SMG6: variants seen among roughly 807,000 people sequenced by gnomAD.
The protein encoded by SMG6 is SMG6 nonsense mediated mRNA decay factor, also known as telomerase-binding protein EST1A.
A neutral mutation model predicts 142.2 loss-of-function variants in SMG6; 66 were observed. The ratio of observed to expected loss-of-function variants is 0.46; its 90% CI spans 0.38 to 0.57. SMG6 has a LOEUF of 0.57. Among genes scored for constraint, SMG6 ranks in the 20% least tolerant of loss-of-function variants. SMG6 has a pLI of 0.00. For missense variants in SMG6, 1,793 were observed against 1,832.0 expected, an observed-to-expected ratio of 0.98 and a Z score of 0.39; for synonymous variants, 779 against 702.4, an observed-to-expected ratio of 1.11 and a Z score of -1.72.
intron 8 of SMG6, chr17:2,280,453 C>T (rs1244884658): frequency 1.2e-5 from 3 of 255,396 alleles, no homozygotes; most frequent in African/African-American, 6.9e-5. Context: ...TTAGTAGAGA[C>T]AGGGTTTCAC....
At chr17:2,218,134 C>T (rs78745137) in intron 10 of SMG6, among the ~76,000 whole-genome samples, 3,422 of 152,252 alleles carry the variant, frequency 0.022, 47 homozygotes, top group East Asian at 0.053. Flanking sequence ...AGACAGCCTA[C>T]TCTCTTGCTG....
chr17:2,108,924 G>A (rs751984969), intron 13 of SMG6, among the ~76,000 whole-genome samples: 5 of 152,116 alleles, frequency 3.3e-5, no homozygotes, highest in Non-Finnish European at 5.9e-5. Flanking sequence ...CAGCCTGGGC[G>A]ACAGAGCAAA....
chr17:2,166,180 C>T (rs1044176617), intron 13 of SMG6, among the ~76,000 whole-genome samples: 2 of 152,062 alleles, frequency 1.3e-5, no homozygotes, highest in Non-Finnish European at 2.9e-5. Flanking sequence ...CGCCACTGCA[C>T]TCCAGCTTGG....
chr17:2,191,868 G>A (rs1455741970), intron 10 of SMG6, among the ~76,000 whole-genome samples: 2 of 152,246 alleles, frequency 1.3e-5, no homozygotes, highest in Admixed American at 6.5e-5. Context: ...GCGGCCGGGA[G>A]AAGGCTGCCA....
rs1203434426 is a variant in SMG6, at chr17:2,203,369, CCAG to C, written c.2870-14857_2870-14855del. 3.9e-5 allele frequency among the ~76,000 whole-genome samples: 6 copies of C among 152,216 alleles called. No homozygotes were observed. In the Middle Eastern group the frequency reaches 0.02, roughly 518 times the overall value. On this transcript the variant is annotated intron_variant, in intron 10 of 18. Coordinates refer to ENST00000263073, the MANE Select transcript of SMG6 (RefSeq NM_017575.5). ...TGGACGAGTCCCTTAGTAATGGGGC[CCAG>C]GAGAACGAGGGCCTGCCATTCCAGC... is the stretch of plus-strand genomic sequence containing the variant.
chr17:2,258,022 A>ATATAT lies in SMG6; in HGVS notation c.2662-13304_2662-13303insATATA, dbSNP rs1423222984. 1.0e-3 allele frequency among the ~76,000 whole-genome samples: 55 copies of ATATAT among 53,960 alleles called. No individual in the cohort carries two copies. The East Asian group carries it at 0.011, about 11-fold the overall frequency. 35.4% of individuals were successfully genotyped at this position (53,960 alleles called of 152,430 possible). On this transcript the variant is annotated intron_variant, in intron 8 of 18. Transcript: ENST00000263073. ...AGACTCTGTCGCAAAAAAAAAAAAA[A>ATATAT]AAAAAAAAAAAAATATACACACACA... is the stretch of plus-strand genomic sequence containing the variant.
intron 13 of SMG6, among the ~76,000 whole-genome samples, chr17:2,086,126 G>A (rs1391238770): frequency 6.6e-6 from 1 of 152,142 alleles, no homozygotes; most frequent in Non-Finnish European, 1.5e-5. Context: ...CTCTCCTTAG[G>A]TTATCTCTGG....
intron 13 of SMG6, among the ~76,000 whole-genome samples, chr17:2,156,873 G>A (rs898890923): frequency 2.6e-5 from 4 of 152,120 alleles, no homozygotes; most frequent in Admixed American, 2.0e-4. Flanking sequence ...GACTGGTCTC[G>A]AACTTCTGGG....
At chr17:2,183,884 G>A (rs1270626535) in intron 12 of SMG6, among the ~76,000 whole-genome samples, 1 of 151,944 alleles carries the variant, frequency 6.6e-6, no homozygotes, top group Admixed American at 6.6e-5. Context: ...TAGGTAAAAG[G>A]CAAGGCAGGC....
At chr17:2,229,157 C>T (rs761687809) in intron 10 of SMG6, among the ~76,000 whole-genome samples, 8 of 152,268 alleles carry the variant, frequency 5.3e-5, no homozygotes, top group African/African-American at 1.4e-4. Context: ...TCATGGACTG[C>T]GCTTTCCATG....
At chr17:2,074,075 C>T (rs1033206614) in intron 15 of SMG6, among the ~76,000 whole-genome samples, 2 of 152,074 alleles carry the variant, frequency 1.3e-5, no homozygotes, top group Admixed American at 1.3e-4. Flanking sequence ...AAGAGCAAAA[C>T]TCCATCTCAA....
intron 13 of SMG6, among the ~76,000 whole-genome samples, chr17:2,100,062 G>T (rs2068964029): frequency 7.0e-6 from 1 of 143,834 alleles, no homozygotes; most frequent in South Asian, 2.2e-4. Flanking sequence ...TTTCGAGACA[G>T]TGTCTTGCTT....
Position 2,299,907 on chromosome 17 carries a change from T to C in SMG6, c.846A>G (p.Arg282=). 6 of 1,614,156 alleles carry C rather than the reference T, an allele frequency of 3.7e-6. No homozygotes were observed. The highest frequency in any genetic ancestry group is 5.1e-6 in the Non-Finnish European group (6 of 1,180,014). Residue 282 remains arginine, a synonymous_variant, in exon 2 of 19, where the codon CGA becomes CGG. Transcript: ENST00000263073. This position sits in a 1 kb window ranked among gnomAD's most constrained non-coding sequence, Gnocchi z 4.3. Reference sequence around the variant, plus strand: ...GTGGCCTCTCCTTGGTCCTATCCTGTCGGCGGCGGCGACATCCATTATCCG... The same window carrying C: ...GTGGCCTCTCCTTGGTCCTATCCTGCCGGCGGCGGCGACATCCATTATCCG... ...GLTDNGCRRR[R]QDRTKERPRL...
chr17:2,236,383 GGGGGT>G, intron 10 of SMG6, 104 bp downstream of exon 10: 2 of 1,075,080 alleles, frequency 1.9e-6, no homozygotes, highest in Non-Finnish European at 2.7e-6. Flanking sequence ...GTGTGTGTTC[GGGGGT>G]GGGGTGGGGG....
intron 12 of SMG6, among the ~76,000 whole-genome samples, chr17:2,176,376 C>G (rs1044514512): frequency 3.9e-4 from 59 of 152,272 alleles, no homozygotes; most frequent in African/African-American, 1.3e-3. Context: ...AAACAGCTGC[C>G]AATCTTTTGG....
chr17:2,150,445 T>TC (rs1225373484), intron 13 of SMG6, among the ~76,000 whole-genome samples: 1 of 152,010 alleles, frequency 6.6e-6, no homozygotes, highest in African/African-American at 2.4e-5. Flanking sequence ...TTCATCAACA[T>TC]CCCCAAAGGA....
chr17:2,187,192 GAAACCC>G (rs1319188354), intron 11 of SMG6, among the ~76,000 whole-genome samples: 3 of 152,134 alleles, frequency 2.0e-5, no homozygotes, highest in African/African-American at 7.2e-5. Context: ...AAACACCAGA[GAAACCC>G]AAACTGTGGG....
intron 13 of SMG6, among the ~76,000 whole-genome samples, chr17:2,126,283 T>C (rs1440779306): frequency 6.6e-6 from 1 of 151,946 alleles, no homozygotes; most frequent in South Asian, 2.1e-4. Flanking sequence ...CCTAAGACCA[T>C]ATACAAAAAC....
At chr17:2,303,400 A>T in intron 1 of SMG6, 1 of 1,247,234 alleles carries the variant, frequency 8.0e-7, no homozygotes, top group Non-Finnish European at 1.0e-6. Flanking sequence ...AAGAGGGTGG[A>T]GGCAGGAATT....
Sources: gnomAD v4.1 joint callset for allele counts (sites outside exome capture counted in the v4.1 genomes callset) on GRCh38, gnomAD v4.1.1 for gene constraint, Gnocchi (gnomAD v3.1) non-coding constraint, MANE v1.5 for transcripts, NCBI Gene and HGNC (gene_info 2026-07-23, HGNC 2026-07-21) for gene names.